CRISPLD2: variants seen among roughly 807,000 people sequenced by gnomAD.
CRISPLD2 encodes the protein cysteine-rich secretory protein LCCL domain-containing 2.
In CRISPLD2, 47 loss-of-function variants were observed where a neutral mutation model predicts 71.1. That is an observed-to-expected ratio of 0.66 (90% CI 0.52 to 0.84). The LOEUF (loss-of-function observed/expected upper bound fraction) is 0.84, where lower values mean the gene tolerates loss of function less well. CRISPLD2 is among the 40% of genes least tolerant of loss of function. The probability of loss-of-function intolerance (pLI) is 0.00; values close to 1 mark genes in which losing one functional copy is unlikely to be tolerated. For missense variants in CRISPLD2, 830 were observed against 651.1 expected (o/e 1.27, Z -2.99); for synonymous variants, 317 against 250.1 (o/e 1.27, Z -2.52).
intron 14 of CRISPLD2, among the ~76,000 whole-genome samples, chr16:84,901,175 A>C (rs997964361): frequency 1.3e-5 from 2 of 152,344 alleles, no homozygotes; most frequent in South Asian, 4.1e-4. Context: ...TAAAGCAACA[A>C]ATCCCGAGAT....
intron 3 of CRISPLD2, 27 bp from the exon 4 acceptor site, chr16:84,849,358 A>T (rs142163042): frequency 1.2e-6 from 2 of 1,603,346 alleles, no homozygotes; most frequent in Middle Eastern, 1.7e-4. Context: ...AGGGGCTGGG[A>T]CTGAGTGAGC....
chr16:84,826,540 C>T (rs977611526), intron 1 of CRISPLD2, among the ~76,000 whole-genome samples: 4 of 152,234 alleles, frequency 2.6e-5, no homozygotes, highest in Admixed American at 6.5e-5. Context: ...GTGTGTCCAT[C>T]TTCCCTGCCA....
chr16:84,837,220 C>G (rs769042719), intron 1 of CRISPLD2, among the ~76,000 whole-genome samples: 34 of 152,162 alleles, frequency 2.2e-4, no homozygotes, highest in Non-Finnish European at 4.7e-4. Context: ...TTTCAGATGG[C>G]AAGCCAGGAG....
chr16:84,863,113 G>T (rs1210351253), intron 6 of CRISPLD2: 1 of 152,066 alleles, frequency 6.6e-6, no homozygotes, highest in South Asian at 2.1e-4. Flanking sequence ...AACCTTGATC[G>T]TCCTGTCGTC....
At chr16:84,875,414 C>CTTTTTTTTTTTTTTTTTTTTTTTTTT (rs34028519) in intron 11 of CRISPLD2, among the ~76,000 whole-genome samples, 6 of 87,784 alleles carry the variant, frequency 6.8e-5, no homozygotes, top group African/African-American at 2.2e-4. Context: ...TATGCATGGA[C>CTTTTTTTTTTTTTTTTTTTTTTTTTT]TTTTTTTTTT....
intron 13 of CRISPLD2, among the ~76,000 whole-genome samples, chr16:84,886,160 G>A (rs1415685727): frequency 6.6e-6 from 1 of 152,100 alleles, no homozygotes; most frequent in African/African-American, 2.4e-5. Flanking sequence ...AAAGTCCTGG[G>A]ATTACAGGTG....
intron 4 of CRISPLD2, 103 bp from the exon 5 acceptor site, chr16:84,850,465 C>G (rs1337071162): frequency 5.8e-6 from 5 of 865,940 alleles, no homozygotes; most frequent in African/African-American, 1.6e-5. Context: ...AACCCTTCAC[C>G]TCGTACCTCT....
At chr16:84,828,371 G>T (rs890008363) in intron 1 of CRISPLD2, 3 of 152,218 alleles carry the variant, frequency 2.0e-5, no homozygotes, top group Admixed American at 1.3e-4. Context: ...AGCCATGGAA[G>T]AAACTCAGGG....
At chr16:84,820,983 G>T (rs1916217517) in intron 1 of CRISPLD2, among the ~76,000 whole-genome samples, 1 of 152,246 alleles carries the variant, frequency 6.6e-6, no homozygotes, top group Non-Finnish European at 1.5e-5. Context: ...ACAAGCCAGG[G>T]AGGACTTCGC....
chr16:84,893,324 C>A (rs928954603), intron 14 of CRISPLD2, among the ~76,000 whole-genome samples: 1 of 152,340 alleles, frequency 6.6e-6, no homozygotes, highest in African/African-American at 2.4e-5. Context: ...GTTGCCACAA[C>A]TTCAAAAGAT....
chr16:84,888,222 C>G (rs367988067), intron 13 of CRISPLD2, among the ~76,000 whole-genome samples: 32 of 152,288 alleles, frequency 2.1e-4, no homozygotes, highest in African/African-American at 6.3e-4. Flanking sequence ...GGCTCATGGC[C>G]TCTTCTTCCA....
At chr16:84,897,612 T>C (rs1642176134) in intron 14 of CRISPLD2, among the ~76,000 whole-genome samples, 1 of 152,020 alleles carries the variant, frequency 6.6e-6, no homozygotes, top group East Asian at 1.9e-4. Flanking sequence ...TTTTTTGTTG[T>C]TTGTTTGTTT....
At chr16:84,880,047 C>T (rs1442686204) in intron 12 of CRISPLD2, among the ~76,000 whole-genome samples, 1 of 152,120 alleles carries the variant, frequency 6.6e-6, no homozygotes, top group East Asian at 1.9e-4. Flanking sequence ...ATCAGTGCCC[C>T]CGCCTTGGAA....
In CRISPLD2 at chr16:84,854,794, A is replaced by G. The variant is rs532659564; in HGVS notation, c.674A>G (p.Tyr225Cys). Residue 225 changes from tyrosine to cysteine, a missense_variant, in exon 6 of 15, where the codon TAT becomes TGT. Coordinates refer to ENST00000262424, the MANE Select transcript of CRISPLD2 (RefSeq NM_031476.4). The part of the protein sequence containing the change: ...GRPCSECPPS[Y>C]GGSCRNNLCY... The stretch of plus-strand genomic sequence containing the variant: ...CCCTGCTCTGAGTGCCCACCCAGCT[A>G]TGGAGGCAGCTGCAGGAACAACTTG... 7.4e-6 allele frequency: 12 copies of G among 1,613,876 alleles called. No homozygotes were observed. The highest frequency in any genetic ancestry group is 4.0e-5 in the African/African-American group (3 of 74,912).
intron 13 of CRISPLD2, chr16:84,880,787 C>A (rs550171918): frequency 2.3e-5 from 10 of 432,790 alleles, no homozygotes; most frequent in African/African-American, 1.8e-4. Context: ...CCCACTGTAA[C>A]CTCTGCCTCC....
At chr16:84,900,188 C>G (rs965981448) in intron 14 of CRISPLD2, among the ~76,000 whole-genome samples, 1 of 152,112 alleles carries the variant, frequency 6.6e-6, no homozygotes, top group Non-Finnish European at 1.5e-5. Context: ...GTGCTCCCAT[C>G]TGATACACGT....
intron 3 of CRISPLD2, among the ~76,000 whole-genome samples, chr16:84,848,662 A>G (rs566122525): frequency 8.9e-4 from 136 of 152,222 alleles, no homozygotes; most frequent in Admixed American, 3.1e-3. Context: ...GCTGGTCTCC[A>G]ACTCCTGACC....
chr16:84,860,538 G>A (rs965868601), intron 6 of CRISPLD2, among the ~76,000 whole-genome samples: 2 of 152,186 alleles, frequency 1.3e-5, no homozygotes, highest in Non-Finnish European at 2.9e-5. Context: ...TGCCTCAGGC[G>A]CCTCAGGCAG....
At chr16:84,861,237 C>G (rs1301824919) in intron 6 of CRISPLD2, among the ~76,000 whole-genome samples, 2 of 152,192 alleles carry the variant, frequency 1.3e-5, no homozygotes, top group Non-Finnish European at 2.9e-5. Context: ...TGAAAGAACT[C>G]CATCCTTAAT....
Sources: allele counts gnomAD v4.1 joint callset (sites outside exome capture counted in the v4.1 genomes callset), GRCh38; gene constraint gnomAD v4.1.1; transcripts MANE v1.5; gene names NCBI Gene and HGNC (gene_info 2026-07-23, HGNC 2026-07-21).